IFT140: variants seen among roughly 807,000 people sequenced by gnomAD.
IFT140 encodes the protein intraflagellar transport 140.
In IFT140, 133 loss-of-function variants were observed where a neutral mutation model predicts 164.6. The ratio of observed to expected loss-of-function variants is 0.81; its 90% confidence interval spans 0.70 to 0.93. IFT140 has a LOEUF of 0.93. Ranked by LOEUF, IFT140 falls within the 40% of genes least tolerant of loss-of-function variation. The probability of loss-of-function intolerance (pLI) is 0.00; values close to 1 mark genes in which losing one functional copy is unlikely to be tolerated. For missense variants in IFT140, 2,045 were observed against 1,972.3 expected (o/e 1.04, Z -0.70); for synonymous variants, 860 against 817.3 (o/e 1.05, Z -0.89).
intron 2 of IFT140, 91 bp from the exon 3 acceptor site, chr16:1,607,388 A>G: frequency 8.5e-7 from 1 of 1,171,918 alleles, no homozygotes; most frequent in South Asian, 1.6e-5. Context: ...GAAGCATCCC[A>G]AAGCCACCAT....
At chr16:1,570,947 G>C (rs1428830597) in intron 14 of IFT140, among the ~76,000 whole-genome samples, 1 of 152,166 alleles carries the variant, frequency 6.6e-6, no homozygotes, top group African/African-American at 2.4e-5. Flanking sequence ...TGTAGAGACA[G>C]GGTTTTGCTA....
intron 8 of IFT140, 46 bp from the exon 9 acceptor site, chr16:1,587,350 C>T (rs1347754093): frequency 1.6e-6 from 2 of 1,252,888 alleles, no homozygotes; most frequent in Non-Finnish European, 1.2e-6. Flanking sequence ...GTGTTAGTGG[C>T]GTTTCCCTCT....
At position 1,580,840 on chromosome 16, in the gene IFT140, C is replaced by G. The variant is rs746462737; in HGVS notation, c.1443G>C (p.Leu481Phe). ...GCATTGCTAACACAGGCGTCTCACA[C>G]AAGAAGGTCCCTAAAATGAAAGACG... ...GAAIRSAGTFLCETPVLAMHE... is the reference protein window; with the variant it reads ...GAAIRSAGTFFCETPVLAMHE... Residue 481 changes from leucine to phenylalanine, a missense_variant, in exon 13 of 31, where the codon TTG (leucine) becomes TTC (phenylalanine). Coordinates refer to ENST00000426508, the MANE Select transcript of IFT140 (RefSeq NM_014714.4). The G allele has an allele frequency of 6.2e-7, 1 of 1,612,720 alleles. No individual in the cohort carries two copies. Among genetic ancestry groups the G allele is most frequent in the South Asian group, 1.1e-5 (1 of 91,066 alleles).
chr16:1,602,163 C>T (rs574272109), intron 4 of IFT140: 9 of 587,356 alleles, frequency 1.5e-5, no homozygotes, highest in African/African-American at 1.3e-4. Flanking sequence ...CAGCAAAGTT[C>T]ATTTATAAAG....
At chr16:1,552,636 A>T (rs927885239) in intron 19 of IFT140, among the ~76,000 whole-genome samples, 3 of 150,698 alleles carry the variant, frequency 2.0e-5, no homozygotes, top group Non-Finnish European at 4.4e-5. Flanking sequence ...AGTATTCATT[A>T]CAAAGAGAAT....
At chr16:1,591,646 G>A (rs748177312) in intron 6 of IFT140, among the ~76,000 whole-genome samples, 6 of 152,130 alleles carry the variant, frequency 3.9e-5, no homozygotes, top group Admixed American at 1.3e-4. Flanking sequence ...CCTTGGCTGC[G>A]CAGCCTGTCC....
chr16:1,522,867 T>C (rs941413220), intron 26 of IFT140, among the ~76,000 whole-genome samples: 3 of 152,164 alleles, frequency 2.0e-5, no homozygotes, highest in African/African-American at 7.2e-5. Context: ...TTGATATGTA[T>C]TTCTATCATG....
chr16:1,580,765 G>C lies in IFT140; in HGVS notation c.1518C>G (p.Thr506=), dbSNP rs199812296. 5 of 1,612,264 alleles carry C rather than the reference G, an allele frequency of 3.1e-6. No homozygotes were observed. Among genetic ancestry groups the C allele is most frequent in the African/African-American group, 2.7e-5 (2 of 75,002 alleles). The part of the protein sequence containing the change: ...TVESNRVQVR[T]WQGTVKQLLL... ...CAGTGGAGCAGCAACTTACCTGCCAGGTTCGAACTTGAACTCGGTTTGACT... is the reference window on the plus strand; with the variant it reads ...CAGTGGAGCAGCAACTTACCTGCCACGTTCGAACTTGAACTCGGTTTGACT... Residue 506 remains threonine (T), a synonymous_variant, in exon 13 of 31, where the codon ACC becomes ACG. Transcript: ENST00000426508.
intron 26 of IFT140, among the ~76,000 whole-genome samples, chr16:1,522,315 C>A (rs1197300302): frequency 6.6e-6 from 1 of 151,982 alleles, no homozygotes; most frequent in African/African-American, 2.4e-5. Context: ...CAAGATTGTG[C>A]CACTGGACTG....
Position 1,587,974 on chromosome 16 carries a change from T to A in IFT140, c.861A>T (p.Glu287Asp). The A allele has an allele frequency of 6.2e-7, 1 of 1,613,808 alleles. No homozygotes were observed. The highest frequency in any genetic ancestry group is 8.5e-7 in the Non-Finnish European group (1 of 1,179,862). Residue 287 changes from glutamate (E) to aspartate (D), a missense_variant, in exon 8 of 31, where the codon GAA becomes GAT. By Grantham distance (45) the Glu-to-Asp change is conservative (BLOSUM62 2). Transcript: ENST00000426508. Reference protein sequence around the residue: ...TGRRADIALIEGSLLVMAVGE... With the variant: ...TGRRADIALIDGSLLVMAVGE... ...CGACGGCCATCACGAGAAGGCTGCC[T>A]TCAATCAAAGCGATGTCTGCCCGGC... is the stretch of plus-strand genomic sequence containing the variant.
At chr16:1,603,716 C>G (rs371548376) in intron 3 of IFT140, among the ~76,000 whole-genome samples, 57 of 152,320 alleles carry the variant, frequency 3.7e-4, no homozygotes, top group Admixed American at 1.1e-3. Context: ...CTCCTGACTT[C>G]ATGATCTGCC....
chr16:1,601,550 C>A (rs1028638552), intron 4 of IFT140, among the ~76,000 whole-genome samples: 2 of 152,196 alleles, frequency 1.3e-5, no homozygotes, highest in East Asian at 3.8e-4. Flanking sequence ...AAAATACCCA[C>A]GTAGCTGGAG....
chr16:1,529,239 G>A (rs2141206312), intron 19 of IFT140, among the ~76,000 whole-genome samples: 1 of 152,364 alleles, frequency 6.6e-6, no homozygotes, highest in East Asian at 1.9e-4. Flanking sequence ...GGCAGCCCCT[G>A]CCATGTGGCA....
intron 30 of IFT140, among the ~76,000 whole-genome samples, chr16:1,513,814 C>T (rs1359363636): frequency 1.3e-5 from 2 of 149,778 alleles, no homozygotes; most frequent in African/African-American, 2.5e-5. Flanking sequence ...GCTGGGACTA[C>T]AGGCGCCCAC....
intron 4 of IFT140, among the ~76,000 whole-genome samples, chr16:1,598,108 A>T (rs957964141): frequency 6.6e-6 from 1 of 152,216 alleles, no homozygotes. Flanking sequence ...AAGAAAAATC[A>T]TCCAGAAGAA....
At position 1,564,995 on chromosome 16, in the gene IFT140, C is replaced by T. The variant is rs376451183; in HGVS notation, c.1902-833G>A. Among the ~76,000 whole-genome samples the T allele has an allele frequency of 9.7e-4, 148 of 152,224 alleles. No homozygotes were observed. The highest frequency in any genetic ancestry group is 3.4e-3 in the African/African-American group (141 of 41,518). ...AAGGCGGCTCTGAGGCCCAGAGAGC[C>T]CGGGGACACAAGCTGGTTCCCGTGA... is the stretch of plus-strand genomic sequence containing the variant. On this transcript the variant is annotated intron_variant, in intron 16 of 30. Transcript: ENST00000426508. The surrounding 1 kb of genome is among the most constrained non-coding windows in gnomAD (Gnocchi z 5.5).
chr16:1,553,127 G>C lies in IFT140; in HGVS notation c.2399+4808C>G, dbSNP rs532039270. On this transcript the variant is annotated intron_variant, in intron 19 of 30. Coordinates refer to ENST00000426508, the MANE Select transcript of IFT140 (RefSeq NM_014714.4). This position sits in a 1 kb window ranked among gnomAD's most constrained non-coding sequence, Gnocchi z 4.4. ...CTGGAGGGTACAGTGATGATGAAAA[G>C]ATAATGCTTGGGTTTTTAGGAAAAA... The C allele has an allele frequency of 3.0e-6, 3 of 985,414 alleles. No individual in the cohort carries two copies. The African/African-American group carries it at 5.2e-5, about 17-fold the overall frequency. 61.0% of individuals were successfully genotyped at this position (985,414 alleles called of 1,614,324 possible). A position where few individuals can be genotyped will look rare whatever the true frequency, so the allele number is the denominator to read the frequency against.
At chr16:1,534,643 T>TG (rs993541651) in intron 19 of IFT140, 12 of 1,559,646 alleles carry the variant, frequency 7.7e-6, no homozygotes, top group Non-Finnish European at 1.0e-5. Context: ...GGTGAGCGGG[T>TG]GGGGAGGCCT....
chr16:1,542,141 G>A, intron 19 of IFT140: 3 of 1,462,442 alleles, frequency 2.1e-6, no homozygotes, highest in Non-Finnish European at 2.7e-6. Context: ...TGCCACAGGA[G>A]GGTCCTGAGG....
Sources: gnomAD v4.1 joint callset for allele counts (sites outside exome capture counted in the v4.1 genomes callset) on GRCh38, gnomAD v4.1.1 for gene constraint, Gnocchi (gnomAD v3.1) non-coding constraint, MANE v1.5 for transcripts, NCBI Gene and HGNC (gene_info 2026-07-23, HGNC 2026-07-21) for gene names.